The following CACNA2D3 variants were observed in gnomAD, a reference collection of about 807,000 sequenced individuals.
The protein encoded by CACNA2D3 is voltage-dependent calcium channel subunit alpha-2/delta-3.
A neutral mutation model predicts 160.6 loss-of-function variants in CACNA2D3; 60 were observed. That is an observed-to-expected ratio of 0.37 (90% CI 0.30 to 0.46). The LOEUF (loss-of-function observed/expected upper bound fraction) is 0.46, where lower values mean the gene tolerates loss of function less well. CACNA2D3 is among the 20% of genes least tolerant of loss of function. CACNA2D3 has a pLI of 1.00. For synonymous variants in CACNA2D3, 558 were observed against 492.9 expected (o/e 1.13, Z -1.75); for missense variants, 1,205 against 1,365.0 (o/e 0.88, Z 1.85).
At chr3:54,282,720 A>G (rs1702908695) in intron 2 of CACNA2D3, among the ~76,000 whole-genome samples, 1 of 152,246 alleles carries the variant, frequency 6.6e-6, no homozygotes, top group South Asian at 2.1e-4. Context: ...GCAGATACAT[A>G]TATAAGTGTA....
intron 11 of CACNA2D3, among the ~76,000 whole-genome samples, chr3:54,741,311 T>A (rs1465280822): frequency 6.6e-6 from 1 of 152,242 alleles, no homozygotes. Flanking sequence ...TTTGGAGATC[T>A]CCTCTTAGAA....
intron 2 of CACNA2D3, among the ~76,000 whole-genome samples, chr3:54,218,198 T>A (rs1241442921): frequency 6.6e-6 from 1 of 152,190 alleles, no homozygotes; most frequent in Non-Finnish European, 1.5e-5. Flanking sequence ...CAACCAGGCC[T>A]GGCTTAACAG....
Position 54,320,531 on chromosome 3 carries a change from G to T in CACNA2D3, c.294G>T (p.Met98Ile). ...AGCTGGCAAAGAACATGGAAGAGAT[G>T]TTTCACAAGAAGTCTGAGGCCGTCA... ...VKKLAKNMEE[M>I]FHKKSEAVRR... Residue 98 changes from methionine to isoleucine, a missense_variant, in exon 3 of 38, where the codon ATG becomes ATT. Met to Ile is a conservative substitution (Grantham distance 10). Coordinates refer to ENST00000474759, the MANE Select transcript of CACNA2D3 (RefSeq NM_018398.3). 1 of 1,565,124 alleles carries T rather than the reference G, an allele frequency of 6.4e-7. No homozygotes were observed. The highest frequency in any genetic ancestry group is 8.7e-7 in the Non-Finnish European group (1 of 1,154,442).
At chr3:54,553,978 C>T (rs962634989) in intron 5 of CACNA2D3, among the ~76,000 whole-genome samples, 1 of 152,148 alleles carries the variant, frequency 6.6e-6, no homozygotes, top group East Asian at 1.9e-4. Flanking sequence ...AGGAAACTTG[C>T]CTATCTGCTA....
intron 3 of CACNA2D3, among the ~76,000 whole-genome samples, chr3:54,362,367 C>T (rs1258834381): frequency 2.0e-5 from 3 of 152,210 alleles, no homozygotes; most frequent in African/African-American, 4.8e-5. Flanking sequence ...CCTCAGAGGC[C>T]GCCTTCAAGT....
intron 14 of CACNA2D3, among the ~76,000 whole-genome samples, chr3:54,827,538 GT>G (rs200926677): frequency 5.3e-5 from 8 of 152,134 alleles, no homozygotes; most frequent in East Asian, 1.9e-4. Context: ...ACTAAGCTGT[GT>G]TTTTTTTAAG....
At chr3:54,902,582 G>T (rs1700359985) in intron 27 of CACNA2D3, among the ~76,000 whole-genome samples, 1 of 152,194 alleles carries the variant, frequency 6.6e-6, no homozygotes, top group Non-Finnish European at 1.5e-5. Context: ...AGGAAGAAGT[G>T]GTGGGACTCT....
In CACNA2D3 at chr3:54,503,479, C is replaced by T. The variant is rs1202563353; in HGVS notation, c.382-13C>T. The T allele has an allele frequency of 6.2e-7, 1 of 1,613,210 alleles. No homozygotes were observed. The highest frequency in any genetic ancestry group is 1.7e-4 in the Middle Eastern group (1 of 6,056). ...CTAAGCCACATGTAATGTTTTTTGACTTTGTCTTTCAGTATGAATACTTCA... is the reference window on the plus strand; with the variant it reads ...CTAAGCCACATGTAATGTTTTTTGATTTTGTCTTTCAGTATGAATACTTCA... On this transcript the variant is annotated splice_polypyrimidine_tract_variant and intron_variant, in intron 4 of 37. Coordinates refer to ENST00000474759, the MANE Select transcript of CACNA2D3 (RefSeq NM_018398.3).
chr3:54,779,796 T>A (rs1702497744), intron 13 of CACNA2D3, among the ~76,000 whole-genome samples: 2 of 152,208 alleles, frequency 1.3e-5, no homozygotes, highest in South Asian at 4.1e-4. Context: ...CCCCTATAGG[T>A]TTTCTTCATA....
chr3:54,315,000 CA>C (rs1464432623), intron 2 of CACNA2D3, among the ~76,000 whole-genome samples: 1 of 152,182 alleles, frequency 6.6e-6, no homozygotes, highest in Non-Finnish European at 1.5e-5. Context: ...TTACGTGAAA[CA>C]AAAGTAATTT....
intron 31 of CACNA2D3, among the ~76,000 whole-genome samples, chr3:54,998,601 T>A (rs1702909494): frequency 6.6e-6 from 1 of 152,192 alleles, no homozygotes. Flanking sequence ...ACCAAATGAG[T>A]GACGCTTTCT....
chr3:54,733,003 A>T (rs1384938788), intron 11 of CACNA2D3, among the ~76,000 whole-genome samples: 3 of 152,222 alleles, frequency 2.0e-5, no homozygotes, highest in Non-Finnish European at 2.9e-5. Context: ...GTGGGAACTC[A>T]CTGGGGACCA....
intron 2 of CACNA2D3, among the ~76,000 whole-genome samples, chr3:54,141,061 C>CTGTGTGTGTGTGTGTGTGTG (rs55833247): frequency 0.058 from 7,443 of 128,312 alleles, 249 homozygotes; most frequent in Non-Finnish European, 0.065. Flanking sequence ...CAGGTGAAAC[C>CTGTGTGTGTGTGTGTGTGTG]TGTGTGTGTG....
chr3:55,015,209 T>C (rs1213868782), intron 34 of CACNA2D3, among the ~76,000 whole-genome samples: 1 of 152,198 alleles, frequency 6.6e-6, no homozygotes, highest in Non-Finnish European at 1.5e-5. Flanking sequence ...TTATTTTTTT[T>C]CATTGGCTGA....
chr3:54,922,761 A>C (rs1700889908), intron 27 of CACNA2D3, among the ~76,000 whole-genome samples: 1 of 152,002 alleles, frequency 6.6e-6, no homozygotes, highest in Non-Finnish European at 1.5e-5. Context: ...AGAACATCTC[A>C]AACTTGACAT....
chr3:54,521,052 T>C (rs537231047), intron 5 of CACNA2D3, among the ~76,000 whole-genome samples: 3 of 152,338 alleles, frequency 2.0e-5, no homozygotes, highest in Non-Finnish European at 4.4e-5. Context: ...TTGTCTATTA[T>C]GAATAATGCT....
At chr3:54,148,567 G>A (rs1333281722) in intron 2 of CACNA2D3, among the ~76,000 whole-genome samples, 3 of 152,196 alleles carry the variant, frequency 2.0e-5, no homozygotes, top group Non-Finnish European at 4.4e-5. Context: ...CGAAAAAGGA[G>A]GTGGAGTTGG....
intron 2 of CACNA2D3, among the ~76,000 whole-genome samples, chr3:54,201,979 C>G (rs1403927289): frequency 6.6e-6 from 1 of 152,148 alleles, no homozygotes; most frequent in Non-Finnish European, 1.5e-5. Context: ...AGAAATTAAA[C>G]TATGGGGCAC....
intron 5 of CACNA2D3, among the ~76,000 whole-genome samples, chr3:54,518,955 G>A (rs902771125): frequency 7.2e-5 from 11 of 151,884 alleles, no homozygotes; most frequent in African/African-American, 2.7e-4. Context: ...AAATTGAGGG[G>A]GGAGAAAAGG....
Sources: allele counts gnomAD v4.1 joint callset (sites outside exome capture counted in the v4.1 genomes callset), GRCh38; gene constraint gnomAD v4.1.1; transcripts MANE v1.5; gene names NCBI Gene and HGNC (gene_info 2026-07-23, HGNC 2026-07-21).